B3GALNT2: variants seen among roughly 807,000 people sequenced by gnomAD.
B3GALNT2 encodes the protein beta-1,3-N-acetylgalactosaminyltransferase 2.
B3GALNT2 carries 53 observed loss-of-function variants against 61.1 expected under a neutral mutation model. The observed-to-expected ratio is 0.87, with a 90% confidence interval of 0.70 to 1.09. The LOEUF is 1.09. B3GALNT2 is among the 50% of genes least tolerant of loss of function. The pLI is 0.00. For synonymous variants in B3GALNT2, 223 were observed against 237.4 expected, an observed-to-expected ratio of 0.94 and a Z score of 0.56; for missense variants, 544 against 623.0, an observed-to-expected ratio of 0.87 and a Z score of 1.35.
At chr1:235,489,336 C>T (rs915985587) in intron 2 of B3GALNT2, 68 bp from the exon 3 acceptor site, 66 of 1,589,730 alleles carry the variant, frequency 4.2e-5, no homozygotes, top group Non-Finnish European at 4.3e-5. Context: ...TTCCTCATGC[C>T]CATTTCAGAG....
chr1:235,446,486 T>C (rs551504935), downstream of B3GALNT2, among the ~76,000 whole-genome samples: 21 of 152,106 alleles, frequency 1.4e-4, no homozygotes, highest in Admixed American at 7.2e-4. Flanking sequence ...TTAAAACCTA[T>C]ACATCCTTAT....
intron 1 of B3GALNT2, among the ~76,000 whole-genome samples, chr1:235,503,524 G>A (rs1685680819): frequency 6.6e-6 from 1 of 152,238 alleles, no homozygotes; most frequent in Admixed American, 6.5e-5. Context: ...CAGGTTATGC[G>A]ATCCAAACTC....
At chr1:235,484,968 TA>T (rs1244414355) in intron 3 of B3GALNT2, among the ~76,000 whole-genome samples, 4 of 152,252 alleles carry the variant, frequency 2.6e-5, no homozygotes, top group African/African-American at 9.6e-5. Context: ...ATACTTGTGA[TA>T]CATCAGGCAA....
chr1:235,458,854 T>A, intron 7 of B3GALNT2, 68 bp from the exon 8 acceptor site: 1 of 1,338,492 alleles, frequency 7.5e-7, no homozygotes, highest in Non-Finnish European at 9.9e-7. Flanking sequence ...ACTGATGATG[T>A]ACACTAAAGT....
chr1:235,473,631 G>T (rs1684107771), intron 5 of B3GALNT2, among the ~76,000 whole-genome samples: 1 of 152,204 alleles, frequency 6.6e-6, no homozygotes, highest in South Asian at 2.1e-4. Flanking sequence ...TGCTGGGGCT[G>T]TAATTATAGA....
chr1:235,475,502 A>G (rs549081028), intron 5 of B3GALNT2, among the ~76,000 whole-genome samples: 1 of 152,230 alleles, frequency 6.6e-6, no homozygotes, highest in South Asian at 2.1e-4. Flanking sequence ...CCTCTCGCAA[A>G]TGGAATACAC....
intron 7 of B3GALNT2, among the ~76,000 whole-genome samples, chr1:235,461,246 T>C (rs1329264420): frequency 6.6e-6 from 1 of 152,194 alleles, no homozygotes; most frequent in Non-Finnish European, 1.5e-5. Flanking sequence ...AGTTCTGTTG[T>C]CTCTAGACCA....
At chr1:235,455,160 T>A (rs895994596) in intron 9 of B3GALNT2, among the ~76,000 whole-genome samples, 30 of 152,312 alleles carry the variant, frequency 2.0e-4, no homozygotes, top group African/African-American at 7.2e-4. Flanking sequence ...CTCCCTCTGT[T>A]GCCCAGGCTG....
intron 4 of B3GALNT2, among the ~76,000 whole-genome samples, chr1:235,482,788 C>T (rs914080967): frequency 6.6e-6 from 1 of 152,018 alleles, no homozygotes; most frequent in Non-Finnish European, 1.5e-5. Flanking sequence ...GACTGTGCCA[C>T]TGCACTCCAG....
At chr1:235,451,728 C>T (rs1558405860) in intron 11 of B3GALNT2, 1 of 152,132 alleles carries the variant, frequency 6.6e-6, no homozygotes, top group Non-Finnish European at 1.5e-5. Flanking sequence ...TGCAGGGCTT[C>T]TAACTGACAG....
intron 1 of B3GALNT2, among the ~76,000 whole-genome samples, 174 bp downstream of exon 1, chr1:235,503,967 C>T (rs889365421): frequency 6.6e-6 from 1 of 152,208 alleles, no homozygotes; most frequent in Non-Finnish European, 1.5e-5. Flanking sequence ...AAAGCTCCCT[C>T]AAGTTTGCCC....
At chr1:235,440,077 T>G in the B3GALNT2 span, among the ~76,000 whole-genome samples, 1 of 152,036 alleles carries the variant, frequency 6.6e-6, no homozygotes, top group Non-Finnish European at 1.5e-5. Context: ...TTCACGCCAT[T>G]CTCCTGCCTC....
At chr1:235,466,230 CTTTTT>C (rs57389033) in intron 6 of B3GALNT2, among the ~76,000 whole-genome samples, 1 of 134,506 alleles carries the variant, frequency 7.4e-6, no homozygotes, top group Non-Finnish European at 1.6e-5. Context: ...TTTAATTTTT[CTTTTT>C]TTTTTTTTTT....
chr1:235,445,591 G>A (rs1682200940), downstream of B3GALNT2, among the ~76,000 whole-genome samples: 1 of 152,136 alleles, frequency 6.6e-6, no homozygotes, highest in South Asian at 2.1e-4. Flanking sequence ...AGCTGTGATT[G>A]AGCCACTGCA....
intron 7 of B3GALNT2, chr1:235,465,395 G>A (rs780430261): frequency 2.2e-6 from 1 of 448,994 alleles, no homozygotes; most frequent in Non-Finnish European, 3.8e-6. Flanking sequence ...TTAGGGGGTG[G>A]GGGGTTGGGG....
chr1:235,479,796 T>G, intron 5 of B3GALNT2: 1 of 349,496 alleles, frequency 2.9e-6, no homozygotes, highest in Non-Finnish European at 5.1e-6. Context: ...TGTGTAGTTC[T>G]CTACTCCACT....
intron 3 of B3GALNT2, 189 bp from the exon 4 acceptor site, chr1:235,484,704 G>A: frequency 8.8e-7 from 1 of 1,137,826 alleles, no homozygotes; most frequent in Non-Finnish European, 1.2e-6. Context: ...TGAAATTTAA[G>A]AATAAAGTTT....
intron 3 of B3GALNT2, among the ~76,000 whole-genome samples, chr1:235,487,756 C>G (rs1032570114): frequency 2.6e-5 from 4 of 152,176 alleles, no homozygotes; most frequent in Non-Finnish European, 5.9e-5. Flanking sequence ...CCTGGTGACA[C>G]AGAGAACCTA....
rs1353120832 is a variant in B3GALNT2 at position 235,449,155 on chromosome 1, G to C, written c.*1051C>G. On this transcript the variant is annotated 3_prime_UTR_variant, in exon 12 of 12. Transcript: ENST00000366600. ...ACTATTTTAAAGGGTTACTAGAAAT[G>C]ATTTGGTTGGTCATTTTGGGAAATG... 4.1e-6 allele frequency: 1 copy of C among 245,694 alleles called. No individual in the cohort carries two copies. The highest frequency in any genetic ancestry group is 8.0e-6 in the Non-Finnish European group (1 of 124,680). The allele number at this position is 245,694 out of a possible 1,614,324, so 15.2% of individuals were successfully genotyped here.
Sources: allele counts gnomAD v4.1 joint callset (sites outside exome capture counted in the v4.1 genomes callset), GRCh38; gene constraint gnomAD v4.1.1; transcripts MANE v1.5; gene names NCBI Gene and HGNC (gene_info 2026-07-23, HGNC 2026-07-21).